Variants in PKD2 observed in about 807,000 individuals in gnomAD.
PKD2 encodes the protein polycystin 2, transient receptor potential cation channel, also known as polycystin-2.
Under a neutral mutation model 105.9 loss-of-function variants are expected in PKD2, and 48 were observed. That is an observed-to-expected ratio of 0.45 (90% CI 0.36 to 0.58). The LOEUF is 0.58. Ranked by LOEUF, PKD2 falls within the 20% of genes least tolerant of loss-of-function variation. The probability of loss-of-function intolerance (pLI) is 0.00; values close to 1 mark genes in which losing one functional copy is unlikely to be tolerated. For synonymous variants in PKD2, 464 were observed against 481.1 expected (o/e 0.96, Z 0.46); for missense variants, 1,078 against 1,255.3 (o/e 0.86, Z 2.13).
chr4:88,043,439 A>G lies in PKD2; in HGVS notation c.1301A>G (p.Asn434Ser). ...TTCTCAGTGTACAACGCCAACATTA[A>G]CCTGTTCTGTGTGGTCAGGTGTGTA... ...IDFSVYNANI[N>S]LFCVVRLLVE... is the part of the protein sequence containing the mutation. The change falls in exon 5 of 15, where the codon AAC becomes AGC. Residue 434 changes from asparagine (N) to serine (S), a missense_variant. Asn to Ser is a conservative substitution (Grantham distance 46). This residue lies in a region of PKD2 where 868 missense variants were observed against 1,067.3 expected (regional missense o/e 0.81). Transcript: ENST00000237596. The G allele has an allele frequency of 6.2e-7, 1 of 1,612,336 alleles. No individual in the cohort carries two copies. The highest frequency in any genetic ancestry group is 8.5e-7 in the Non-Finnish European group (1 of 1,178,468).
intron 13 of PKD2, among the ~76,000 whole-genome samples, chr4:88,072,656 C>T (rs1430007780): frequency 1.3e-5 from 2 of 152,168 alleles, no homozygotes; most frequent in East Asian, 1.9e-4. Context: ...GGAAACTCCA[C>T]CCTACAAGTG....
At chr4:88,027,170 C>G (rs1291769391) in intron 2 of PKD2, among the ~76,000 whole-genome samples, 1 of 152,178 alleles carries the variant, frequency 6.6e-6, no homozygotes, top group Non-Finnish European at 1.5e-5. Context: ...GTAGATCCAC[C>G]AACAGATTGC....
chr4:88,039,008 A>G (rs79490216), intron 4 of PKD2, among the ~76,000 whole-genome samples: 2,394 of 152,300 alleles, frequency 0.016, 64 homozygotes, highest in African/African-American at 0.055. Context: ...GTACACGTGC[A>G]TATTTACAGG....
chr4:88,008,433 C>G (rs1209780825), intron 1 of PKD2, 105 bp downstream of exon 1: 11 of 1,325,788 alleles, frequency 8.3e-6, no homozygotes, highest in African/African-American at 1.5e-5. Flanking sequence ...TCTCGCATCC[C>G]CTCTGCGTTC....
At chr4:88,032,921 A>G (rs369519303) in intron 2 of PKD2, among the ~76,000 whole-genome samples, 5 of 152,160 alleles carry the variant, frequency 3.3e-5, no homozygotes, top group East Asian at 1.9e-4. Flanking sequence ...AAGACCCACA[A>G]TCATGAACAG....
At chr4:88,019,621 A>T (rs1011741749) in intron 2 of PKD2, 50 bp downstream of exon 2, 4 of 1,000,306 alleles carry the variant, frequency 4.0e-6, no homozygotes, top group Non-Finnish European at 6.4e-6. Context: ...AAAAGATTTG[A>T]CCTATCCAAA....
At chr4:88,065,669 T>C in intron 11 of PKD2, 93 bp from the exon 12 acceptor site, 1 of 1,203,154 alleles carries the variant, frequency 8.3e-7, no homozygotes, top group Non-Finnish European at 1.2e-6. Context: ...CATTTGGTGA[T>C]TTCTCCTTTC....
chr4:88,049,488 A>G (rs1248555422), intron 6 of PKD2, among the ~76,000 whole-genome samples: 1 of 152,158 alleles, frequency 6.6e-6, no homozygotes, highest in Non-Finnish European at 1.5e-5. Context: ...TTTTTTAAAC[A>G]ACACTTAATA....
Position 88,043,434 on chromosome 4 carries a change from C to T in PKD2, c.1296C>T (p.Asn432=), listed in dbSNP as rs1445777189. 1.2e-6 allele frequency: 2 copies of T among 1,612,700 alleles called. No homozygotes were observed. Among genetic ancestry groups the T allele is most frequent in the African/African-American group, 1.3e-5 (1 of 74,996 alleles). ...TTGACTTCTCAGTGTACAACGCCAACATTAACCTGTTCTGTGTGGTCAGGT... is the reference window on the plus strand; with the variant it reads ...TTGACTTCTCAGTGTACAACGCCAATATTAACCTGTTCTGTGTGGTCAGGT... ...TFIDFSVYNA[N]INLFCVVRLL... The change falls in exon 5 of 15, where the codon AAC becomes AAT. Residue 432 remains asparagine (N), a synonymous_variant. Coordinates refer to ENST00000237596, the MANE Select transcript of PKD2 (RefSeq NM_000297.4).
intron 9 of PKD2, among the ~76,000 whole-genome samples, chr4:88,059,201 G>A (rs1183453868): frequency 1.3e-5 from 2 of 152,118 alleles, no homozygotes; most frequent in African/African-American, 4.8e-5. Flanking sequence ...TTCCCTAGCT[G>A]TACTTTAACA....
At position 88,023,128 on chromosome 4, in the gene PKD2, TA is replaced by T. The variant is rs1578120612; in HGVS notation, c.709+3558del. 2.6e-5 allele frequency among the ~76,000 whole-genome samples: 4 copies of T among 151,550 alleles called. No individual in the cohort carries two copies. In the East Asian group the frequency reaches 7.7e-4, roughly 29 times the overall value. On this transcript the variant is annotated intron_variant, in intron 2 of 14. Coordinates refer to ENST00000237596, the MANE Select transcript of PKD2 (RefSeq NM_000297.4). ...TAAATAAATAAAATAAATAAATAAATAGAAAAGAAAAAGAAAGAAAAGAGAT... is the reference window on the plus strand; with the variant it reads ...TAAATAAATAAAATAAATAAATAAATGAAAAGAAAAAGAAAGAAAAGAGAT...
chr4:88,024,204 C>T (rs1726866167), intron 2 of PKD2, among the ~76,000 whole-genome samples: 1 of 151,946 alleles, frequency 6.6e-6, no homozygotes, highest in South Asian at 2.1e-4. Flanking sequence ...TGCCTGTAAT[C>T]TCAGCACTTT....
chr4:88,017,975 C>T (rs1392013588), intron 1 of PKD2, among the ~76,000 whole-genome samples: 1 of 152,146 alleles, frequency 6.6e-6, no homozygotes, highest in Non-Finnish European at 1.5e-5. Context: ...CCAGGGCTAC[C>T]GAGCCTAATC....
In PKD2 at chr4:88,043,421, T is replaced by C. The variant is rs1369969750; in HGVS notation, c.1283T>C (p.Val428Ala). Residue 428 changes from valine (V) to alanine (A), a missense_variant, in exon 5 of 15, where the codon GTG becomes GCG. Transcript: ENST00000237596. Reference protein sequence around the residue: ...GTRATFIDFSVYNANINLFCV... With the variant: ...GTRATFIDFSAYNANINLFCV... The stretch of plus-strand genomic sequence containing the variant: ...AGGGCAACTTTTATTGACTTCTCAG[T>C]GTACAACGCCAACATTAACCTGTTC... The C allele has an allele frequency of 1.2e-6, 2 of 1,613,740 alleles. No individual in the cohort carries two copies. The highest frequency in any genetic ancestry group is 1.7e-6 in the Non-Finnish European group (2 of 1,179,790).
chr4:88,072,288 G>A (rs1721066461), intron 13 of PKD2, among the ~76,000 whole-genome samples: 1 of 152,010 alleles, frequency 6.6e-6, no homozygotes, highest in South Asian at 2.1e-4. Flanking sequence ...TGGCCCCTGA[G>A]GCCAGTCTTT....
chr4:88,035,942 T>G, intron 2 of PKD2: 1 of 451,688 alleles, frequency 2.2e-6, no homozygotes, highest in Non-Finnish European at 4.1e-6. Context: ...GTCCTAAATA[T>G]CAAGTAAACG....
chr4:88,068,121 T>C, intron 13 of PKD2, 60 bp downstream of exon 13: 2 of 1,280,036 alleles, frequency 1.6e-6, no homozygotes, highest in Non-Finnish European at 2.3e-6. Flanking sequence ...GACCAGGCAG[T>C]TCCCTCATCT....
Position 88,038,329 on chromosome 4 carries a change from T to A in PKD2, c.922T>A (p.Phe308Ile). 6.2e-7 allele frequency: 1 copy of A among 1,613,976 alleles called. No individual in the cohort carries two copies. The highest frequency in any genetic ancestry group is 1.1e-5 in the South Asian group (1 of 91,076). The change falls in exon 4 of 15, where the codon TTC becomes ATC. Residue 308 changes from phenylalanine (F) to isoleucine (I), a missense_variant. Physicochemically the swap from Phe to Ile is conservative, Grantham distance 21. Around this residue, in one of 2 missense-constraint regions of PKD2, gnomAD observed 868 missense variants for 1,067.3 expected, o/e 0.81. Transcript: ENST00000237596. ...CCAGACTGAAGCTGACAACCGAAGT[T>A]TCATCTTCTATGAGAACCTGCTGTT... The part of the protein sequence containing the change: ...SNQTEADNRS[F>I]IFYENLLLGV...
chr4:88,026,556 C>G (rs1407034149), intron 2 of PKD2, among the ~76,000 whole-genome samples: 2 of 152,134 alleles, frequency 1.3e-5, no homozygotes, highest in Non-Finnish European at 2.9e-5. Flanking sequence ...TGCAGCCTGA[C>G]CATGTGGTAG....
Sources: allele counts gnomAD v4.1 joint callset (sites outside exome capture counted in the v4.1 genomes callset), GRCh38; gene constraint gnomAD v4.1.1; regional missense constraint gnomAD v4.1.1; transcripts MANE v1.5; gene names NCBI Gene and HGNC (gene_info 2026-07-23, HGNC 2026-07-21).